The following SIDT2 variants were observed in gnomAD, a reference collection of about 807,000 sequenced individuals.
SIDT2 encodes the protein SID1 transmembrane family, member 2.
Under a neutral mutation model 114.4 loss-of-function variants are expected in SIDT2, and 68 were observed. The observed-to-expected ratio is 0.59, with a 90% CI of 0.49 to 0.73. The LOEUF (loss-of-function observed/expected upper bound fraction) is 0.73, where lower values mean the gene tolerates loss of function less well. Among genes scored for constraint, SIDT2 ranks in the 30% least tolerant of loss-of-function variants. The pLI is 0.00. For missense variants in SIDT2, 918 were observed against 1,097.1 expected, an observed-to-expected ratio of 0.84 and a Z score of 2.31; for synonymous variants, 470 against 438.4, an observed-to-expected ratio of 1.07 and a Z score of -0.90.
intron 4 of SIDT2, 152 bp downstream of exon 4, chr11:117,182,257 G>A (rs1233858734): frequency 2.2e-6 from 2 of 901,104 alleles, no homozygotes; most frequent in East Asian, 5.3e-5. Flanking sequence ...CTGACATGGT[G>A]AGGGACAGAC....
chr11:117,188,812 G>A lies in SIDT2; in HGVS notation c.1264G>A (p.Val422Ile), dbSNP rs751464678. The A allele has an allele frequency of 1.5e-5, 25 of 1,614,198 alleles. No individual in the cohort carries two copies. Among genetic ancestry groups the A allele is most frequent in the African/African-American group, 2.7e-5 (2 of 75,070 alleles). Reference protein sequence around the residue: ...TLTDIDSDKNVIRTKQYLYVA... With the variant: ...TLTDIDSDKNIIRTKQYLYVA... ...GACCGACATCGATTCCGACAAGAAT[G>A]TCATTCGCACCAAGGTCTGACCCGT... The change falls in exon 13 of 26, where the codon GTC (valine) becomes ATC (isoleucine). Residue 422 changes from valine (V) to isoleucine (I), a missense_variant. This residue lies in a region of SIDT2 where 553 missense variants were observed against 600.1 expected (regional missense o/e 0.92). Transcript: ENST00000324225. This position sits in a 1 kb window ranked among gnomAD's most constrained non-coding sequence, Gnocchi z 4.0.
chr11:117,191,679 G>T, intron 18 of SIDT2, 199 bp from the exon 19 acceptor site: 1 of 674,580 alleles, frequency 1.5e-6, no homozygotes. Context: ...GACTCTGGGT[G>T]ACAGCCAGTG....
rs1405008758 is a variant in SIDT2, at chr11:117,188,649, G to A, written c.1160-59G>A. The A allele has an allele frequency of 2.9e-5, 38 of 1,323,136 alleles. No individual in the cohort carries two copies. The highest frequency in any genetic ancestry group is 3.5e-5 in the Non-Finnish European group (32 of 915,562). The allele number at this position is 1,323,136 out of a possible 1,614,324, so 82.0% of individuals were successfully genotyped here. Reference sequence around the variant, plus strand: ...ATTGTTACAATTGCCTCAGATGGGCGAGGGCCACTGTGGGTTTTGTGTCCA... The same window carrying A: ...ATTGTTACAATTGCCTCAGATGGGCAAGGGCCACTGTGGGTTTTGTGTCCA... On this transcript the variant is annotated intron_variant, in intron 12 of 25. Transcript: ENST00000324225. This position sits in a 1 kb window ranked among gnomAD's most constrained non-coding sequence, Gnocchi z 4.0.
At chr11:117,191,009 G>T in intron 18 of SIDT2, 1 of 300,086 alleles carries the variant, frequency 3.3e-6, no homozygotes, top group Non-Finnish European at 6.3e-6. Flanking sequence ...CGGGTGCAGT[G>T]GCTCACGCCT....
At chr11:117,182,312 C>A in intron 4 of SIDT2, 1 of 717,558 alleles carries the variant, frequency 1.4e-6, no homozygotes, top group Non-Finnish European at 2.3e-6. Flanking sequence ...GCCTCTCTGG[C>A]ATTCTGCTGA....
intron 8 of SIDT2, chr11:117,185,918 A>C: frequency 1.4e-5 from 6 of 433,812 alleles, no homozygotes; most frequent in African/African-American, 2.1e-5. Context: ...GTTCTAGCCC[A>C]GGGAGCAACA....
rs202220850 is a variant in SIDT2, at chr11:117,182,590, C to G, written c.588C>G (p.Pro196=). 1.9e-6 allele frequency: 3 copies of G among 1,614,264 alleles called. No individual in the cohort carries two copies. The highest frequency in any genetic ancestry group is 2.7e-5 in the African/African-American group (2 of 75,064). ...AGGTGACCTCCAACAAGGCCTTCCC[C>G]TGCTCAGTCATCTCCATTCAGGATG... ...IVKVTSNKAF[P]CSVISIQDVL... is the part of the protein sequence containing the mutation. Residue 196 remains proline (P), a synonymous_variant, in exon 5 of 26, where the codon CCC becomes CCG. Coordinates refer to ENST00000324225, the MANE Select transcript of SIDT2 (RefSeq NM_001040455.2).
intron 10 of SIDT2, chr11:117,186,899 G>C: frequency 1.4e-6 from 2 of 1,451,078 alleles, no homozygotes; most frequent in African/African-American, 2.8e-5. Context: ...TGTGGCCCAC[G>C]GTCTCTGGGA....
chr11:117,187,718 G>A lies in SIDT2; in HGVS notation c.1159+19G>A. 2 of 1,612,768 alleles carry A rather than the reference G, an allele frequency of 1.2e-6. No homozygotes were observed. Among genetic ancestry groups the A allele is most frequent in the Non-Finnish European group, 1.7e-6 (2 of 1,178,878 alleles). On this transcript the variant is annotated intron_variant, in intron 12 of 25. Transcript: ENST00000324225. ...TACCAGGGTGAGTGGGCCAGGCTGG[G>A]AGGGGCGGTGTGGTGCAGGACGGTG...
chr11:117,182,308 C>A, intron 4 of SIDT2: 1 of 722,248 alleles, frequency 1.4e-6, no homozygotes, highest in Non-Finnish European at 2.3e-6. Context: ...GGTTGCCTCT[C>A]TGGCATTCTG....
chr11:117,186,872 C>G (rs1266034099), intron 10 of SIDT2: 1 of 1,244,076 alleles, frequency 8.0e-7, no homozygotes, highest in East Asian at 2.5e-5. Flanking sequence ...GCGATGGTGT[C>G]TGCCTGCCTT....
intron 18 of SIDT2, chr11:117,191,180 G>A (rs540723648): frequency 1.3e-5 from 2 of 155,564 alleles, no homozygotes; most frequent in Non-Finnish European, 2.8e-5. Flanking sequence ...GGGAGGCTGA[G>A]GCAGGAGAAT....
intron 6 of SIDT2, 29 bp from the exon 7 acceptor site, chr11:117,183,750 A>G (rs112312899): frequency 2.6e-5 from 36 of 1,385,230 alleles, no homozygotes; most frequent in East Asian, 2.5e-4. Context: ...ATGATGATGA[A>G]GAAGATATTT....
In SIDT2 at chr11:117,187,613, G is replaced by C; in HGVS notation, c.1088-15G>C. The stretch of plus-strand genomic sequence containing the variant: ...GGCCTCTCCTTCCTGCCTCACCACT[G>C]ATCGTTCCCCACAGAGAATGTTTCT... On this transcript the variant is annotated splice_polypyrimidine_tract_variant and intron_variant, in intron 11 of 25. Coordinates refer to ENST00000324225, the MANE Select transcript of SIDT2 (RefSeq NM_001040455.2). 1.2e-6 allele frequency: 2 copies of C among 1,614,028 alleles called. No individual in the cohort carries two copies. The highest frequency in any genetic ancestry group is 1.7e-6 in the Non-Finnish European group (2 of 1,179,938).
chr11:117,179,413 C>A lies in SIDT2; in HGVS notation c.150C>A (p.Ile50=), dbSNP rs764309780. Residue 50 remains isoleucine (I), a synonymous_variant, in exon 1 of 26, where the codon ATC becomes ATA. Transcript: ENST00000324225. The stretch of plus-strand genomic sequence containing the variant: ...AGGTCAACAGCGAGCTGGTCAACAT[C>A]TACACCTTCAACCATACTGTGACCC... The part of the protein sequence containing the change: ...VDEVNSELVN[I]YTFNHTVTRN... The A allele has an allele frequency of 6.2e-7, 1 of 1,613,948 alleles. No individual in the cohort carries two copies. The highest frequency in any genetic ancestry group is 8.5e-7 in the Non-Finnish European group (1 of 1,180,014).
intron 13 of SIDT2, 116 bp from the exon 14 acceptor site, chr11:117,189,053 C>A: frequency 8.7e-7 from 1 of 1,150,312 alleles, no homozygotes; most frequent in Non-Finnish European, 1.3e-6. Context: ...GTCCTTGAAC[C>A]CTGCCCCCCT....
Position 117,192,710 on chromosome 11 carries a change from A to C in SIDT2, c.2058+60A>C. ...TCTCCTTTCTTCCCTCTGATGGGGG[A>C]GTGGGGCTGGGCTGAGGACCCAGGG... On this transcript the variant is annotated intron_variant, in intron 21 of 25. Coordinates refer to ENST00000324225, the MANE Select transcript of SIDT2 (RefSeq NM_001040455.2). This position sits in a 1 kb window ranked among gnomAD's most constrained non-coding sequence, Gnocchi z 5.9. 1 of 1,611,766 alleles carries C rather than the reference A, an allele frequency of 6.2e-7. No homozygotes were observed. The highest frequency in any genetic ancestry group is 8.5e-7 in the Non-Finnish European group (1 of 1,178,874).
At chr11:117,189,842 G>A in intron 15 of SIDT2, 110 bp from the exon 16 acceptor site, 1 of 949,722 alleles carries the variant, frequency 1.1e-6, no homozygotes, top group African/African-American at 1.6e-5. Flanking sequence ...ATTCCCACCT[G>A]CTAGCTGTGG....
At chr11:117,180,717 G>T (rs1384527341) in intron 1 of SIDT2, among the ~76,000 whole-genome samples, 1 of 151,886 alleles carries the variant, frequency 6.6e-6, no homozygotes, top group Non-Finnish European at 1.5e-5. Context: ...TGTATTTTTA[G>T]TAGAGATGGG....
Sources: gnomAD v4.1 joint callset for allele counts (sites outside exome capture counted in the v4.1 genomes callset) on GRCh38, gnomAD v4.1.1 for gene constraint, gnomAD v4.1.1 regional missense constraint, Gnocchi (gnomAD v3.1) non-coding constraint, MANE v1.5 for transcripts, NCBI Gene and HGNC (gene_info 2026-07-23, HGNC 2026-07-21) for gene names.